KLC1: variants seen among roughly 807,000 people sequenced by gnomAD.
KLC1 encodes the protein kinesin light chain 1.
In KLC1, 30 loss-of-function variants were observed where a neutral mutation model predicts 84.2. The observed-to-expected ratio is 0.36, with a 90% CI of 0.27 to 0.48. The LOEUF (loss-of-function observed/expected upper bound fraction) is 0.48, where lower values mean the gene tolerates loss of function less well. KLC1 is among the 20% of genes least tolerant of loss of function. KLC1 has a pLI of 0.99. For synonymous variants in KLC1, 289 were observed against 293.3 expected (o/e 0.99, Z 0.15); for missense variants, 499 against 805.4 (o/e 0.62, Z 4.60).
intron 14 of KLC1, among the ~76,000 whole-genome samples, chr14:103,688,278 T>C (rs2081905613): frequency 6.6e-6 from 1 of 152,138 alleles, no homozygotes; most frequent in Admixed American, 6.5e-5. Context: ...GCCTCCCAAG[T>C]AGCTGGGATT....
At position 103,657,763 on chromosome 14, in the gene KLC1, A is replaced by G; in HGVS notation, c.479A>G (p.Asp160Gly). ...FMNQLKKYDD[D>G]ISPSEDKDTD... ...AATCAGCTAAAAAAATATGATGACG[A>G]CATTTCCCCATCCGTGAGTGGCTCT... Residue 160 changes from aspartate (D) to glycine (G), a missense_variant, in exon 3 of 17, where the codon GAC becomes GGC. By Grantham distance (94) the Asp-to-Gly change is moderately conservative (BLOSUM62 -1). Around this residue, in one of 3 missense-constraint regions of KLC1, gnomAD observed 179 missense variants for 264.2 expected, o/e 0.68. Coordinates refer to ENST00000334553, the MANE Select transcript of KLC1 (RefSeq NM_001394837.1). The G allele has an allele frequency of 6.2e-7, 1 of 1,613,238 alleles. No individual in the cohort carries two copies. Among genetic ancestry groups the G allele is most frequent in the Non-Finnish European group, 8.5e-7 (1 of 1,179,314 alleles).
chr14:103,663,308 C>T (rs976427578), intron 5 of KLC1, among the ~76,000 whole-genome samples: 10 of 152,168 alleles, frequency 6.6e-5, no homozygotes, highest in African/African-American at 2.2e-4. Flanking sequence ...TCTCGATCTC[C>T]TGACCTCGTG....
intron 1 of KLC1, among the ~76,000 whole-genome samples, chr14:103,636,152 C>T (rs780606446): frequency 6.6e-6 from 1 of 152,078 alleles, no homozygotes; most frequent in African/African-American, 2.4e-5. Flanking sequence ...GATATCTCCT[C>T]CTCCCTCGCC....
intron 3 of KLC1, among the ~76,000 whole-genome samples, chr14:103,658,668 T>C (rs2079024315): frequency 6.9e-6 from 1 of 144,164 alleles, no homozygotes; most frequent in Admixed American, 6.9e-5. Flanking sequence ...TTTTTTTTTT[T>C]TTTTTTTGAG....
intron 5 of KLC1, among the ~76,000 whole-genome samples, chr14:103,668,714 C>T (rs956511268): frequency 3.0e-4 from 45 of 152,022 alleles, no homozygotes; most frequent in African/African-American, 7.7e-4. Context: ...CTTCTGACCT[C>T]GTGATCCGCC....
At chr14:103,698,817 G>T in intron 15 of KLC1, 1 of 1,602,146 alleles carries the variant, frequency 6.2e-7, no homozygotes, top group Non-Finnish European at 8.5e-7. Context: ...CTGGGTCCCA[G>T]GTGTCCCTCG....
chr14:103,638,211 T>C (rs1320040061), intron 1 of KLC1, among the ~76,000 whole-genome samples: 1 of 152,120 alleles, frequency 6.6e-6, no homozygotes, highest in African/African-American at 2.4e-5. Context: ...AAACCTCTGT[T>C]TTCTTCCCTC....
rs185805978 is a variant in KLC1 at position 103,642,925 on chromosome 14, C to T, written c.-1-11639C>T. Among the ~76,000 whole-genome samples the T allele has an allele frequency of 5.9e-4, 89 of 151,952 alleles. 1 individual carries two copies. The East Asian group carries it at 0.016, about 28-fold the overall frequency. On this transcript the variant is annotated intron_variant, in intron 1 of 16. Coordinates refer to ENST00000334553, the MANE Select transcript of KLC1 (RefSeq NM_001394837.1). ...CTGGGACAACAGGCGCACACCACCA[C>T]GCCCGGCTAATTTTTTTGTATTTTT...
chr14:103,676,842 A>G (rs180839903), intron 11 of KLC1, among the ~76,000 whole-genome samples: 9 of 152,302 alleles, frequency 5.9e-5, no homozygotes, highest in East Asian at 1.9e-4. Flanking sequence ...ATCAAGCTCA[A>G]TGATACAGTT....
In KLC1 at chr14:103,693,818, C is replaced by G. The variant is rs1313122912; in HGVS notation, c.1848+1393C>G. ...CATTCTGTTACTCGGCCTGCAGCCC[C>G]AGTGCCAGGAGCCACCCCGACCGCG... On this transcript the variant is annotated intron_variant, in intron 15 of 16. Transcript: ENST00000334553. The surrounding 1 kb of genome is among the most constrained non-coding windows in gnomAD (Gnocchi z 5.1). 3.6e-6 allele frequency: 5 copies of G among 1,393,780 alleles called. No individual in the cohort carries two copies. Among genetic ancestry groups the G allele is most frequent in the Non-Finnish European group, 3.7e-6 (4 of 1,077,488 alleles). The allele number at this position is 1,393,780 out of a possible 1,614,324, so 86.3% of individuals were successfully genotyped here. A position where few individuals can be genotyped will look rare whatever the true frequency, so the allele number is the denominator to read the frequency against.
intron 1 of KLC1, among the ~76,000 whole-genome samples, chr14:103,630,858 A>G (rs1334211368): frequency 6.6e-6 from 1 of 152,192 alleles, no homozygotes; most frequent in Non-Finnish European, 1.5e-5. Flanking sequence ...ATCATGTTGC[A>G]GTTGAGCCTG....
intron 1 of KLC1, among the ~76,000 whole-genome samples, chr14:103,652,930 T>C (rs935733618): frequency 1.3e-5 from 2 of 152,188 alleles, no homozygotes; most frequent in Admixed American, 1.3e-4. Context: ...ATTTTTCCAG[T>C]GTGTGATGCA....
At chr14:103,696,094 C>CGGG in intron 15 of KLC1, 1 of 185,182 alleles carries the variant, frequency 5.4e-6, no homozygotes, top group Non-Finnish European at 6.4e-6. Flanking sequence ...ATCACTGCGC[C>CGGG]CCCGCCCCCC....
chr14:103,656,825 T>C (rs376850046), intron 2 of KLC1, among the ~76,000 whole-genome samples: 4 of 152,234 alleles, frequency 2.6e-5, no homozygotes, highest in East Asian at 3.8e-4. Context: ...CTGGTTATTA[T>C]GTTATGAGAG....
intron 5 of KLC1, among the ~76,000 whole-genome samples, chr14:103,663,505 T>C (rs1417056060): frequency 6.6e-6 from 1 of 152,182 alleles, no homozygotes; most frequent in Admixed American, 6.5e-5. Context: ...CGAAGCTGTT[T>C]TGACCTTTTC....
chr14:103,629,525 GC>G (rs1258944766), intron 1 of KLC1, 31 bp downstream of exon 1: 1 of 152,476 alleles, frequency 6.6e-6, no homozygotes, highest in Non-Finnish European at 1.5e-5. Flanking sequence ...CCGGACCGCG[GC>G]CCCCTCCTCA....
At chr14:103,639,276 A>G (rs112846258) in intron 1 of KLC1, among the ~76,000 whole-genome samples, 1,625 of 152,108 alleles carry the variant, frequency 0.011, 34 homozygotes, top group African/African-American at 0.037. Flanking sequence ...AACTACAGGC[A>G]TGTGCCACCA....
In KLC1 at chr14:103,694,751, A is replaced by G; in HGVS notation, c.1848+2326A>G. On this transcript the variant is annotated intron_variant, in intron 15 of 16. Coordinates refer to ENST00000334553, the MANE Select transcript of KLC1 (RefSeq NM_001394837.1). This position sits in a 1 kb window ranked among gnomAD's most constrained non-coding sequence, Gnocchi z 4.5. ...GTAACAGGGTGGGTGGTGGCACAGC[A>G]GAGGCTCACACTTGTCACCTTCAGC... 1.0e-6 allele frequency: 1 copy of G among 985,514 alleles called. No homozygotes were observed. Among genetic ancestry groups the G allele is most frequent in the Non-Finnish European group, 1.2e-6 (1 of 829,952 alleles). The allele number at this position is 985,514 out of a possible 1,614,324, so 61.0% of individuals were successfully genotyped here. A position where few individuals can be genotyped will look rare whatever the true frequency, so the allele number is the denominator to read the frequency against.
intron 11 of KLC1, among the ~76,000 whole-genome samples, chr14:103,676,597 G>A (rs558862552): frequency 1.7e-4 from 26 of 152,154 alleles, no homozygotes; most frequent in African/African-American, 6.0e-4. Flanking sequence ...TTAAGACTCA[G>A]CCTACCATTC....
Sources: allele counts gnomAD v4.1 joint callset (sites outside exome capture counted in the v4.1 genomes callset), GRCh38; gene constraint gnomAD v4.1.1; regional missense constraint gnomAD v4.1.1; non-coding constraint Gnocchi (gnomAD v3.1); transcripts MANE v1.5; gene names NCBI Gene and HGNC (gene_info 2026-07-23, HGNC 2026-07-21).